Variants in UTP23 observed in about 807,000 individuals in gnomAD.
UTP23 encodes the protein rRNA-processing protein UTP23 homolog.
UTP23 carries 10 observed loss-of-function variants against 19.8 expected under a neutral mutation model. That is an observed-to-expected ratio of 0.50 (90% CI 0.31 to 0.86). The LOEUF (loss-of-function observed/expected upper bound fraction) is 0.86, where lower values mean the gene tolerates loss of function less well. Ranked by LOEUF, UTP23 falls within the 40% of genes least tolerant of loss-of-function variation. The pLI is 0.05. For missense variants in UTP23, 282 were observed against 293.1 expected (o/e 0.96, Z 0.28); for synonymous variants, 108 against 105.4 (o/e 1.02, Z -0.15).
chr8:116,774,553 A>G lies in UTP23; in HGVS notation c.*2711A>G, dbSNP rs1815699355. The G allele has an allele frequency of 1.5e-6, 1 of 646,318 alleles. No individual in the cohort carries two copies. The highest frequency in any genetic ancestry group is 1.9e-6 in the Non-Finnish European group (1 of 521,374). 40.0% of individuals were successfully genotyped at this position (646,318 alleles called of 1,614,324 possible). On this transcript the variant is annotated 3_prime_UTR_variant, in exon 3 of 3. Coordinates refer to ENST00000309822, the MANE Select transcript of UTP23 (RefSeq NM_032334.3). Reference sequence around the variant, plus strand: ...AAGATATATATATGTATATAGGTATATACACATATGTATATATACATAGTC... The same window carrying G: ...AAGATATATATATGTATATAGGTATGTACACATATGTATATATACATAGTC...
intron 1 of UTP23, among the ~76,000 whole-genome samples, chr8:116,768,897 C>G (rs745476630): frequency 6.6e-6 from 1 of 152,138 alleles, no homozygotes; most frequent in Non-Finnish European, 1.5e-5. Context: ...AACTCCTGAC[C>G]GCAGGTGATC....
rs562895313 is a variant in UTP23, at chr8:116,774,591, A to G, written c.*2749A>G. 2 of 620,992 alleles carry G rather than the reference A, an allele frequency of 3.2e-6. No homozygotes were observed. The highest frequency in any genetic ancestry group is 1.5e-4 in the South Asian group (2 of 13,716). 38.5% of individuals were successfully genotyped at this position (620,992 alleles called of 1,614,324 possible). On this transcript the variant is annotated 3_prime_UTR_variant, in exon 3 of 3. Coordinates refer to ENST00000309822, the MANE Select transcript of UTP23 (RefSeq NM_032334.3). The stretch of plus-strand genomic sequence containing the variant: ...TATATACATAGTCTATATATTCTAT[A>G]TAAGAATATATTCCAATAAGAATAT...
In UTP23 at chr8:116,771,439, T is replaced by C; in HGVS notation, c.364-17T>C. ...AATTGACATTTGAACTAAATAATTC[T>C]GTTTTCTTTTAAATAGGATCAGAAT... On this transcript the variant is annotated splice_polypyrimidine_tract_variant and intron_variant, in intron 2 of 2. Transcript: ENST00000309822. 1 of 1,424,974 alleles carries C rather than the reference T, an allele frequency of 7.0e-7. No homozygotes were observed. The highest frequency in any genetic ancestry group is 9.2e-7 in the Non-Finnish European group (1 of 1,086,192). The allele number at this position is 1,424,974 out of a possible 1,614,324, so 88.3% of individuals were successfully genotyped here. A position where few individuals can be genotyped will look rare whatever the true frequency, so the allele number is the denominator to read the frequency against.
chr8:116,771,194 AC>A (rs2131024675), intron 2 of UTP23, among the ~76,000 whole-genome samples: 1 of 152,260 alleles, frequency 6.6e-6, no homozygotes, highest in South Asian at 2.1e-4. Flanking sequence ...TAACACATTT[AC>A]CTTTGCATTA....
In UTP23 at chr8:116,772,068, G is replaced by C. The variant is rs1287363267; in HGVS notation, c.*226G>C. On this transcript the variant is annotated 3_prime_UTR_variant, in exon 3 of 3. Transcript: ENST00000309822. Reference sequence around the variant, plus strand: ...ATGATGGTGCACAGTTGTAATTCCAGCTACTCAGGAGGCTGAGGCATGAGA... The same window carrying C: ...ATGATGGTGCACAGTTGTAATTCCACCTACTCAGGAGGCTGAGGCATGAGA... 8.7e-7 allele frequency: 1 copy of C among 1,154,652 alleles called. No individual in the cohort carries two copies. The highest frequency in any genetic ancestry group is 1.1e-6 in the Non-Finnish European group (1 of 934,064). The allele number at this position is 1,154,652 out of a possible 1,614,324, so 71.5% of individuals were successfully genotyped here.
In UTP23 at chr8:116,772,010, C is replaced by G. The variant is rs910655038; in HGVS notation, c.*168C>G. 3 of 1,310,124 alleles carry G rather than the reference C, an allele frequency of 2.3e-6. No homozygotes were observed. Among genetic ancestry groups the G allele is most frequent in the Admixed American group, 3.7e-5 (1 of 27,282 alleles). 81.2% of individuals were successfully genotyped at this position (1,310,124 alleles called of 1,614,324 possible). A position where few individuals can be genotyped will look rare whatever the true frequency, so the allele number is the denominator to read the frequency against. On this transcript the variant is annotated 3_prime_UTR_variant, in exon 3 of 3. Coordinates refer to ENST00000309822, the MANE Select transcript of UTP23 (RefSeq NM_032334.3). ...CCAGTCTAGCCAGCATGGCAAAACC[C>G]CATCTCTACTAAAATACAAAAATTA... is the stretch of plus-strand genomic sequence containing the variant.
chr8:116,772,567 A>G lies in UTP23; in HGVS notation c.*725A>G, dbSNP rs1341601574. The G allele has an allele frequency of 7.1e-6, 7 of 985,020 alleles. No individual in the cohort carries two copies. The African/African-American group carries it at 8.7e-5, about 12-fold the overall frequency. The allele number at this position is 985,020 out of a possible 1,614,324, so 61.0% of individuals were successfully genotyped here. On this transcript the variant is annotated 3_prime_UTR_variant, in exon 3 of 3. Coordinates refer to ENST00000309822, the MANE Select transcript of UTP23 (RefSeq NM_032334.3). ...AGTATATGAATATTTTACTCTTTGT[A>G]CATCAGAAACTCAGTATTTTCATTA...
Position 116,770,269 on chromosome 8 carries a change from G to T in UTP23, c.266G>T (p.Arg89Leu), listed in dbSNP as rs371024889. The T allele has an allele frequency of 3.1e-6, 5 of 1,613,930 alleles. No homozygotes were observed. The highest frequency in any genetic ancestry group is 3.3e-5 in the Admixed American group (2 of 60,002). Residue 89 changes from arginine (R) to leucine (L), a missense_variant, in exon 2 of 3, where the codon CGA becomes CTA. By Grantham distance (102) the Arg-to-Leu change is moderately radical (BLOSUM62 -2). Coordinates refer to ENST00000309822, the MANE Select transcript of UTP23 (RefSeq NM_032334.3). ...AKLIAQKCQV[R>L]NCPHFKNAVS... is the part of the protein sequence containing the mutation. ...CTGATTGCACAAAAATGCCAAGTTC[G>T]AAATTGTCCTCATTTCAAGAATGCA...
chr8:116,773,895 T>G lies in UTP23; in HGVS notation c.*2053T>G. 1.0e-6 allele frequency: 1 copy of G among 953,692 alleles called. No homozygotes were observed. The highest frequency in any genetic ancestry group is 1.8e-5 in the African/African-American group (1 of 56,638). The allele number at this position is 953,692 out of a possible 1,614,324, so 59.1% of individuals were successfully genotyped here. Reference sequence around the variant, plus strand: ...CAGTAAAATTACTTTAAAAGATATTTTAACAAAAGTCTCATATCCTTGTAC... The same window carrying G: ...CAGTAAAATTACTTTAAAAGATATTGTAACAAAAGTCTCATATCCTTGTAC... On this transcript the variant is annotated 3_prime_UTR_variant, in exon 3 of 3. Coordinates refer to ENST00000309822, the MANE Select transcript of UTP23 (RefSeq NM_032334.3).
chr8:116,766,755 G>A lies in UTP23; in HGVS notation c.152G>A (p.Arg51His). 6.3e-7 allele frequency: 1 copy of A among 1,591,250 alleles called. No individual in the cohort carries two copies. ...ATCCAGCTGCGGGAGCAGCTGCCCCGCTACCTCATGGGGGAGACGCAGCTG... is the reference window on the plus strand; with the variant it reads ...ATCCAGCTGCGGGAGCAGCTGCCCCACTACCTCATGGGGGAGACGCAGCTG... Reference protein sequence around the residue: ...GRIQLREQLPRYLMGETQLCT... With the variant: ...GRIQLREQLPHYLMGETQLCT... Residue 51 changes from arginine (R) to histidine (H), a missense_variant, in exon 1 of 3, where the codon CGC becomes CAC. Coordinates refer to ENST00000309822, the MANE Select transcript of UTP23 (RefSeq NM_032334.3).
chr8:116,771,241 C>T (rs1815646644), intron 2 of UTP23, among the ~76,000 whole-genome samples: 1 of 152,080 alleles, frequency 6.6e-6, no homozygotes, highest in Admixed American at 6.6e-5. Context: ...TCGATAAATC[C>T]GGTTCACACA....
chr8:116,771,404 A>T, intron 2 of UTP23, 52 bp from the exon 3 acceptor site: 1 of 1,332,512 alleles, frequency 7.5e-7, no homozygotes, highest in Non-Finnish European at 9.8e-7. Flanking sequence ...AAACCTATTT[A>T]AGGTACCTTA....
intron 2 of UTP23, 105 bp downstream of exon 2, chr8:116,770,471 A>C: frequency 9.0e-7 from 1 of 1,114,104 alleles, no homozygotes; most frequent in Non-Finnish European, 1.2e-6. Flanking sequence ...GACTTTTAAA[A>C]ATACAGGCTT....
rs953300692 is a variant in UTP23 at position 116,766,883 on chromosome 8, G to A, written c.188+92G>A. On this transcript the variant is annotated intron_variant, in intron 1 of 2. Transcript: ENST00000309822. ...CTCACAGACCTTCATTGCGAGCTCA[G>A]GAGGTGCAAAACGCCCCGCCCACGT... 7.6e-6 allele frequency: 10 copies of A among 1,317,310 alleles called. No individual in the cohort carries two copies. In the African/African-American group the frequency reaches 1.5e-4, roughly 20 times the overall value. The allele number at this position is 1,317,310 out of a possible 1,614,324, so 81.6% of individuals were successfully genotyped here. A position where few individuals can be genotyped will look rare whatever the true frequency, so the allele number is the denominator to read the frequency against.
In UTP23 at chr8:116,771,871, A is replaced by G. The variant is rs151313268; in HGVS notation, c.*29A>G. ...CTTTGGATACTTTCAAGGACATTCAAATGTGAAAATGAATTTTTTACAACT... is the reference window on the plus strand; with the variant it reads ...CTTTGGATACTTTCAAGGACATTCAGATGTGAAAATGAATTTTTTACAACT... On this transcript the variant is annotated 3_prime_UTR_variant, in exon 3 of 3. Coordinates refer to ENST00000309822, the MANE Select transcript of UTP23 (RefSeq NM_032334.3). 2.0e-3 allele frequency: 3,023 copies of G among 1,507,602 alleles called. 5 individuals are homozygous for G. Among genetic ancestry groups the G allele is most frequent in the Non-Finnish European group, 2.4e-3 (2,765 of 1,134,940 alleles). The allele number at this position is 1,507,602 out of a possible 1,614,324, so 93.4% of individuals were successfully genotyped here.
At position 116,773,801 on chromosome 8, in the gene UTP23, C is replaced by A. The variant is rs905956515; in HGVS notation, c.*1959C>A. 1.6e-5 allele frequency: 11 copies of A among 668,350 alleles called. No individual in the cohort carries two copies. The highest frequency in any genetic ancestry group is 2.0e-5 in the Non-Finnish European group (11 of 541,018). The allele number at this position is 668,350 out of a possible 1,614,324, so 41.4% of individuals were successfully genotyped here. A position where few individuals can be genotyped will look rare whatever the true frequency, so the allele number is the denominator to read the frequency against. ...CTCCAGCCTGGTGAGAGAGTGAAAC[C>A]CCGTCTCAAAAATAAATAAATAAAT... On this transcript the variant is annotated 3_prime_UTR_variant, in exon 3 of 3. Transcript: ENST00000309822.
chr8:116,770,070 T>C, intron 1 of UTP23, 122 bp from the exon 2 acceptor site: 1 of 938,964 alleles, frequency 1.1e-6, no homozygotes, highest in Non-Finnish European at 1.5e-6. Flanking sequence ...TTAAAGTAAA[T>C]GGTTACCAGA....
At position 116,766,706 on chromosome 8, in the gene UTP23, T is replaced by A; in HGVS notation, c.103T>A (p.Cys35Ser). The change falls in exon 1 of 3, where the codon TGT becomes AGT. Residue 35 changes from cysteine (C) to serine (S), a missense_variant. Coordinates refer to ENST00000309822, the MANE Select transcript of UTP23 (RefSeq NM_032334.3). ...PYQILLDGTF[C>S]QAALRGRIQL... ...CCAGATCCTGCTGGACGGCACCTTC[T>A]GTCAGGCGGCGCTGCGGGGCCGCAT... 6.2e-7 allele frequency: 1 copy of A among 1,612,980 alleles called. No homozygotes were observed. Among genetic ancestry groups the A allele is most frequent in the Non-Finnish European group, 8.5e-7 (1 of 1,179,540 alleles).
intron 1 of UTP23, among the ~76,000 whole-genome samples, chr8:116,768,049 C>T (rs970838944): frequency 6.6e-6 from 1 of 152,118 alleles, no homozygotes; most frequent in South Asian, 2.1e-4. Flanking sequence ...TAGGAAACCC[C>T]CATCTCTAAC....
Sources: gnomAD v4.1 joint callset for allele counts (sites outside exome capture counted in the v4.1 genomes callset) on GRCh38, gnomAD v4.1.1 for gene constraint, MANE v1.5 for transcripts, NCBI Gene and HGNC (gene_info 2026-07-23, HGNC 2026-07-21) for gene names.